Variants in RBMS2 observed in about 807,000 individuals in gnomAD.
The protein encoded by RBMS2 is RNA binding motif single stranded interacting protein 2, also known as RNA-binding motif, single-stranded-interacting protein 2.
In RBMS2, 38 loss-of-function variants were observed where a neutral mutation model predicts 58.4. The observed-to-expected ratio is 0.65, with a 90% CI of 0.50 to 0.85. RBMS2 has a LOEUF of 0.85. RBMS2 is among the 40% of genes least tolerant of loss of function. RBMS2 has a pLI of 0.00. For synonymous variants in RBMS2, 151 were observed against 180.7 expected, an observed-to-expected ratio of 0.84 and a Z score of 1.32; for missense variants, 367 against 503.7, an observed-to-expected ratio of 0.73 and a Z score of 2.60.
At position 56,589,209 on chromosome 12, in the gene RBMS2, G is replaced by A. The variant is rs1389554984; in HGVS notation, c.*76G>A. 29 of 1,512,752 alleles carry A rather than the reference G, an allele frequency of 1.9e-5. No homozygotes were observed. The highest frequency in any genetic ancestry group is 8.0e-5 in the Admixed American group (4 of 49,862). 93.7% of individuals were successfully genotyped at this position (1,512,752 alleles called of 1,614,324 possible). ...ATACTCATGCTCCCAGATTCCAGAG[G>A]GTTAACCAGGAATGGAGACCATCCG... On this transcript the variant is annotated 3_prime_UTR_variant, in exon 14 of 14. Coordinates refer to ENST00000262031, the MANE Select transcript of RBMS2 (RefSeq NM_002898.4).
Position 56,571,824 on chromosome 12 carries a change from A to G in RBMS2, c.511A>G (p.Ser171Gly). The G allele has an allele frequency of 6.3e-7, 1 of 1,588,122 alleles. No individual in the cohort carries two copies. The highest frequency in any genetic ancestry group is 8.6e-7 in the Non-Finnish European group (1 of 1,165,536). Residue 171 changes from serine (S) to glycine (G), a missense_variant, in exon 5 of 14, where the codon AGT becomes GGT. Ser to Gly is a moderately conservative substitution (Grantham distance 56). Coordinates refer to ENST00000262031, the MANE Select transcript of RBMS2 (RefSeq NM_002898.4). ...CTCCACCCGTATCCTTCGAGATACC[A>G]GTGGGACCAGCAGAGGTGTTGGCTT... ...VISTRILRDTSGTSRGVGFAR... is the reference protein window; with the variant it reads ...VISTRILRDTGGTSRGVGFAR...
chr12:56,549,500 C>T (rs903796161), intron 1 of RBMS2, among the ~76,000 whole-genome samples: 2 of 152,130 alleles, frequency 1.3e-5, no homozygotes, highest in African/African-American at 4.8e-5. Context: ...TTTCATGCGA[C>T]TCAGTAAGAC....
intron 1 of RBMS2, among the ~76,000 whole-genome samples, chr12:56,527,354 G>A (rs1872843171): frequency 6.6e-6 from 1 of 152,212 alleles, no homozygotes; most frequent in African/African-American, 2.4e-5. Flanking sequence ...GCTCACGCCT[G>A]TAATCCCAGC....
chr12:56,574,635 A>G (rs1882836972), intron 5 of RBMS2, among the ~76,000 whole-genome samples: 1 of 152,202 alleles, frequency 6.6e-6, no homozygotes. Flanking sequence ...CAGTTTAGGA[A>G]CTGTGGCTTT....
intron 1 of RBMS2, among the ~76,000 whole-genome samples, chr12:56,538,733 G>A (rs928182456): frequency 1.3e-5 from 2 of 151,902 alleles, no homozygotes; most frequent in Non-Finnish European, 2.9e-5. Context: ...ACCCGCCTTG[G>A]CCTCCCAAAG....
At chr12:56,583,905 C>T (rs897393229) in intron 9 of RBMS2, among the ~76,000 whole-genome samples, 6 of 151,938 alleles carry the variant, frequency 3.9e-5, no homozygotes, top group African/African-American at 1.5e-4. Flanking sequence ...AATTTTTTTC[C>T]AATTTTATTT....
intron 1 of RBMS2, among the ~76,000 whole-genome samples, chr12:56,533,770 C>T (rs1874245533): frequency 6.6e-6 from 1 of 152,022 alleles, no homozygotes; most frequent in Non-Finnish European, 1.5e-5. Context: ...AAAGTGAAGC[C>T]AGTTTACTTC....
intron 5 of RBMS2, among the ~76,000 whole-genome samples, chr12:56,577,423 TAATA>T (rs1475112993): frequency 2.0e-5 from 3 of 150,626 alleles, no homozygotes; most frequent in Non-Finnish European, 3.0e-5. Context: ...AAAATAATAA[TAATA>T]AATAAAATAA....
chr12:56,570,073 T>C (rs912029558), intron 4 of RBMS2, 83 bp downstream of exon 4: 1 of 1,309,080 alleles, frequency 7.6e-7, no homozygotes, highest in Non-Finnish European at 1.1e-6. Context: ...CCAGAGGGCT[T>C]AAGAACCATG....
rs767849956 is a variant in RBMS2, at chr12:56,586,946, C to T, written c.951+20C>T. The T allele has an allele frequency of 6.2e-7, 1 of 1,603,598 alleles. No homozygotes were observed. The highest frequency in any genetic ancestry group is 1.1e-5 in the South Asian group (1 of 90,828). On this transcript the variant is annotated intron_variant, in intron 10 of 13. Coordinates refer to ENST00000262031, the MANE Select transcript of RBMS2 (RefSeq NM_002898.4). ...CCTTCAGTGAGTATTCAGAAGTGGG[C>T]AGAAGCCAAAGAGGCAATTTGATGT...
chr12:56,534,386 T>C (rs1874360049), intron 1 of RBMS2, among the ~76,000 whole-genome samples: 1 of 152,220 alleles, frequency 6.6e-6, no homozygotes, highest in African/African-American at 2.4e-5. Context: ...AAGAGTGGGA[T>C]TGCTGAGCCA....
rs1885180379 is a variant in RBMS2 at position 56,589,910 on chromosome 12, T to C, written c.*777T>C. The C allele has an allele frequency of 6.6e-6, 1 of 152,450 alleles. No homozygotes were observed. The highest frequency in any genetic ancestry group is 6.5e-5 in the Admixed American group (1 of 15,274). 9.4% of individuals were successfully genotyped at this position (152,450 alleles called of 1,614,324 possible). ...ACAAGGCAGAACACTAAGTAGGCCA[T>C]GGAAGTGGCTGTTCTTTCCCCCACC... is the stretch of plus-strand genomic sequence containing the variant. On this transcript the variant is annotated 3_prime_UTR_variant, in exon 14 of 14. Transcript: ENST00000262031.
intron 1 of RBMS2, among the ~76,000 whole-genome samples, chr12:56,534,247 T>C (rs1874339480): frequency 6.6e-6 from 1 of 152,228 alleles, no homozygotes; most frequent in South Asian, 2.1e-4. Flanking sequence ...TTATCCATTC[T>C]CCTACCAAGG....
At chr12:56,539,737 T>G (rs1274988018) in intron 1 of RBMS2, 2 of 447,560 alleles carry the variant, frequency 4.5e-6, no homozygotes, top group East Asian at 7.2e-5. Flanking sequence ...TGGCGTGATC[T>G]CGGCTCACTG....
upstream of RBMS2, among the ~76,000 whole-genome samples, chr12:56,521,154 G>C (rs914298288): frequency 1.3e-5 from 2 of 152,146 alleles, no homozygotes; most frequent in Admixed American, 1.3e-4. Flanking sequence ...AATGGGCCAG[G>C]GGTGGTGGCT....
chr12:56,572,000 C>T, intron 5 of RBMS2, 145 bp downstream of exon 5: 1 of 964,218 alleles, frequency 1.0e-6, no homozygotes, highest in Non-Finnish European at 1.4e-6. Context: ...GTCAAAAGTT[C>T]ATTTTAGGCC....
rs112021203 is a variant in RBMS2 at position 56,521,840 on chromosome 12, C to G, written c.-184C>G. ...GGAGCAGCCCGAGCTCATTCTCTGC[C>G]CGCAGCCCCCCTTCATCTCTCTCCT... is the stretch of plus-strand genomic sequence containing the variant. On this transcript the variant is annotated 5_prime_UTR_variant, in exon 1 of 14. Transcript: ENST00000262031. 2.4e-5 allele frequency: 14 copies of G among 573,780 alleles called. No homozygotes were observed. In the Admixed American group the frequency reaches 4.0e-4, roughly 16 times the overall value. 35.5% of individuals were successfully genotyped at this position (573,780 alleles called of 1,614,324 possible).
At position 56,591,776 on chromosome 12, in the gene RBMS2, A is replaced by T. The variant is rs60328251; in HGVS notation, c.*2643A>T. Reference sequence around the variant, plus strand: ...CTGATTCTGTCTTCTTTCTCTCTCTATATATATATTTTAAAATGTTTAAAT... The same window carrying T: ...CTGATTCTGTCTTCTTTCTCTCTCTTTATATATATTTTAAAATGTTTAAAT... On this transcript the variant is annotated 3_prime_UTR_variant, in exon 14 of 14. Transcript: ENST00000262031. 6.6e-6 allele frequency: 1 copy of T among 151,640 alleles called. No homozygotes were observed. The highest frequency in any genetic ancestry group is 1.5e-5 in the Non-Finnish European group (1 of 67,922). 9.4% of individuals were successfully genotyped at this position (151,640 alleles called of 1,614,324 possible).
intron 7 of RBMS2, 71 bp from the exon 8 acceptor site, chr12:56,581,762 T>C: frequency 2.6e-6 from 4 of 1,541,708 alleles, no homozygotes; most frequent in Non-Finnish European, 3.6e-6. Flanking sequence ...TTCCCAGCCT[T>C]GGACATTCTG....
Sources: gnomAD v4.1 joint callset for allele counts (sites outside exome capture counted in the v4.1 genomes callset) on GRCh38, gnomAD v4.1.1 for gene constraint, MANE v1.5 for transcripts, NCBI Gene and HGNC (gene_info 2026-07-23, HGNC 2026-07-21) for gene names.